RLF: variants seen among roughly 807,000 people sequenced by gnomAD.
RLF encodes zinc finger protein Rlf.
Under a neutral mutation model 162.9 loss-of-function variants are expected in RLF, and 7 were observed. That is an observed-to-expected ratio of 0.04 (90% confidence interval 0.02 to 0.08). The LOEUF is 0.08. Among genes scored for constraint, RLF ranks in the 10% least tolerant of loss-of-function variants. RLF has a pLI of 1.00. For missense variants in RLF, 1,664 were observed against 2,244.7 expected, an observed-to-expected ratio of 0.74 and a Z score of 5.23; for synonymous variants, 782 against 791.5, an observed-to-expected ratio of 0.99 and a Z score of 0.20.
intron 1 of RLF, among the ~76,000 whole-genome samples, chr1:40,172,203 AG>A (rs1469321653): frequency 6.6e-6 from 1 of 152,214 alleles, no homozygotes; most frequent in Non-Finnish European, 1.5e-5. Context: ...TACAGTACAG[AG>A]GGTTTAAGGA....
intron 4 of RLF, among the ~76,000 whole-genome samples, chr1:40,201,714 G>A (rs1642722772): frequency 6.6e-6 from 1 of 151,622 alleles, no homozygotes; most frequent in Non-Finnish European, 1.5e-5. Context: ...CAGCTCAGAA[G>A]TACTGAGCTT....
chr1:40,205,070 C>T (rs1365378694), intron 5 of RLF, among the ~76,000 whole-genome samples: 1 of 152,214 alleles, frequency 6.6e-6, no homozygotes, highest in Non-Finnish European at 1.5e-5. Flanking sequence ...CAGCAGTTCT[C>T]CTTTTCTCTA....
At chr1:40,181,376 G>T (rs886224779) in intron 1 of RLF, among the ~76,000 whole-genome samples, 4 of 152,140 alleles carry the variant, frequency 2.6e-5, no homozygotes, top group Non-Finnish European at 5.9e-5. Flanking sequence ...GTTGCATTGA[G>T]CCGAGATGGC....
At chr1:40,209,502 A>C (rs1178786479) in intron 5 of RLF, among the ~76,000 whole-genome samples, 1 of 152,258 alleles carries the variant, frequency 6.6e-6, no homozygotes, top group East Asian at 1.9e-4. Context: ...AAGATTGATC[A>C]GAGGTGAAAC....
chr1:40,187,470 A>G (rs771226311), intron 1 of RLF, among the ~76,000 whole-genome samples: 2 of 152,190 alleles, frequency 1.3e-5, no homozygotes, highest in Non-Finnish European at 2.9e-5. Context: ...TATTAAAATT[A>G]GGGATTTGAT....
intron 1 of RLF, among the ~76,000 whole-genome samples, chr1:40,180,310 G>T (rs982957745): frequency 6.6e-6 from 1 of 152,088 alleles, no homozygotes; most frequent in Non-Finnish European, 1.5e-5. Context: ...CCAGGCTGGA[G>T]TGCAGTCACA....
rs1287570291 is a variant in RLF, at chr1:40,224,663, GATGCTGGAGTTAGAATAT to G, written c.947+1954_947+1971del. 6.4e-5 allele frequency among the ~76,000 whole-genome samples: 7 copies of G among 109,458 alleles called. 1 individual carries two copies. Among genetic ancestry groups the G allele is most frequent in the East Asian group, 6.2e-4 (2 of 3,214 alleles). The allele number at this position is 109,458 out of a possible 152,430, so 71.8% of individuals were successfully genotyped here. The stretch of plus-strand genomic sequence containing the variant: ...TTTTTTTTTTTTTTTTTGGTAGTGG[GATGCTGGAGTTAGAATAT>G]TAGAATAACATAAAACATTGAATTT... On this transcript the variant is annotated intron_variant, in intron 6 of 7. Transcript: ENST00000372771.
chr1:40,203,865 T>C (rs1642753028), intron 5 of RLF, among the ~76,000 whole-genome samples: 2 of 152,086 alleles, frequency 1.3e-5, no homozygotes, highest in African/African-American at 4.8e-5. Context: ...TCTATCTTTC[T>C]ACCTTACTCC....
At chr1:40,229,448 C>CTTTTTTTTTTTTTTTTT (rs1005418216) in intron 6 of RLF, among the ~76,000 whole-genome samples, 1 of 90,980 alleles carries the variant, frequency 1.1e-5, no homozygotes. Flanking sequence ...ATTCATTTAT[C>CTTTTTTTTTTTTTTTTT]TTTTTTTTTT....
At chr1:40,174,981 C>T (rs1261221792) in intron 1 of RLF, among the ~76,000 whole-genome samples, 1 of 152,014 alleles carries the variant, frequency 6.6e-6, no homozygotes, top group Admixed American at 6.6e-5. Context: ...GGGAGGATCT[C>T]TTGAAGCCAG....
intron 1 of RLF, among the ~76,000 whole-genome samples, chr1:40,181,732 C>A (rs1035891121): frequency 1.3e-5 from 2 of 152,202 alleles, no homozygotes; most frequent in Non-Finnish European, 2.9e-5. Context: ...ATTATAATAT[C>A]TAATAATTGT....
At chr1:40,166,860 G>T (rs1189890624) in intron 1 of RLF, among the ~76,000 whole-genome samples, 1 of 133,584 alleles carries the variant, frequency 7.5e-6, no homozygotes. Context: ...GTTGTGGGGT[G>T]GGGGGAGGGG....
In RLF at chr1:40,189,607, G is replaced by C. The variant is rs111773191; in HGVS notation, c.392+398G>C. On this transcript the variant is annotated intron_variant, in intron 2 of 7. Transcript: ENST00000372771. ...ATAATTTTATTAGCAAAAAATATCA[G>C]GGTACAGTATAAGATTACCATCCTA... Among the ~76,000 whole-genome samples, 706 of 152,258 alleles carry C rather than the reference G, an allele frequency of 4.6e-3. 5 individuals carry two copies. The highest frequency in any genetic ancestry group is 0.016 in the African/African-American group (669 of 41,536).
At chr1:40,230,194 C>T (rs989005077) in intron 6 of RLF, among the ~76,000 whole-genome samples, 3 of 151,740 alleles carry the variant, frequency 2.0e-5, no homozygotes, top group African/African-American at 7.3e-5. Flanking sequence ...AAATAAATTC[C>T]GTTAAATATA....
chr1:40,189,056 C>A lies in RLF; in HGVS notation c.239C>A (p.Thr80Asn). The change falls in exon 2 of 8, where the codon ACC becomes AAC. Residue 80 changes from threonine (T) to asparagine (N), a missense_variant and splice_region_variant. By Grantham distance (65) the Thr-to-Asn change is moderately conservative. Coordinates refer to ENST00000372771, the MANE Select transcript of RLF (RefSeq NM_012421.4). ...SLNYCRSFCQTLLQYASNKNA... is the reference protein window; with the variant it reads ...SLNYCRSFCQNLLQYASNKNA... ...ATAATTTTTAATTTTATTTTGTAGA[C>A]CTTATTGCAATATGCAAGCAACAAG... The A allele has an allele frequency of 6.4e-7, 1 of 1,559,708 alleles. No homozygotes were observed.
chr1:40,162,217 G>T (rs901661477), intron 1 of RLF, among the ~76,000 whole-genome samples: 1 of 149,806 alleles, frequency 6.7e-6, no homozygotes, highest in Non-Finnish European at 1.5e-5. Flanking sequence ...CCGTTCTTTC[G>T]TCTTTTCTGT....
At position 40,237,196 on chromosome 1, in the gene RLF, G is replaced by A. The variant is rs189384051; in HGVS notation, c.2494G>A (p.Gly832Arg). The A allele has an allele frequency of 4.3e-6, 7 of 1,613,858 alleles. No individual in the cohort carries two copies. The East Asian group carries it at 6.7e-5, about 15-fold the overall frequency. Reference protein sequence around the residue: ...LSMHNVENSNGDIKKSVKLEE... With the variant: ...LSMHNVENSNRDIKKSVKLEE... Reference sequence around the variant, plus strand: ...AATGCATAATGTTGAAAATTCAAATGGAGACATAAAGAAATCAGTGAAACT... The same window carrying A: ...AATGCATAATGTTGAAAATTCAAATAGAGACATAAAGAAATCAGTGAAACT... Residue 832 changes from glycine to arginine, a missense_variant, in exon 8 of 8, where the codon GGA (glycine) becomes AGA (arginine). Physicochemically the swap from Gly to Arg is moderately radical, Grantham distance 125. This residue lies in a region of RLF where 295 missense variants were observed against 317.4 expected (regional missense o/e 0.93). Coordinates refer to ENST00000372771, the MANE Select transcript of RLF (RefSeq NM_012421.4). This position sits in a 1 kb window ranked among gnomAD's most constrained non-coding sequence, Gnocchi z 4.4.
At chr1:40,198,485 G>T (rs1642668837) in intron 4 of RLF, among the ~76,000 whole-genome samples, 1 of 151,736 alleles carries the variant, frequency 6.6e-6, no homozygotes, top group African/African-American at 2.4e-5. Flanking sequence ...TTTATATTTA[G>T]AAATGAGTTT....
Position 40,195,718 on chromosome 1 carries a change from A to C in RLF, c.561A>C (p.Pro187=). The part of the protein sequence containing the change: ...HVTKEGVWKN[P]VLLKILSQQP... ...CCAAGGAAGGGGTGTGGAAAAACCC[A>C]GTTCTTCTTAAAATTCTGTCTCAAC... Residue 187 remains proline (P), a synonymous_variant, in exon 4 of 8, where the codon CCA becomes CCC. Coordinates refer to ENST00000372771, the MANE Select transcript of RLF (RefSeq NM_012421.4). 1 of 1,613,862 alleles carries C rather than the reference A, an allele frequency of 6.2e-7. No homozygotes were observed.
Sources: allele counts gnomAD v4.1 joint callset (sites outside exome capture counted in the v4.1 genomes callset), GRCh38; gene constraint gnomAD v4.1.1; regional missense constraint gnomAD v4.1.1; non-coding constraint Gnocchi (gnomAD v3.1); transcripts MANE v1.5; gene names NCBI Gene and HGNC (gene_info 2026-07-23, HGNC 2026-07-21).